Variants in SUN1 observed in about 807,000 individuals in gnomAD.
SUN1 encodes Sad1 and UNC84 domain containing 1.
A neutral mutation model predicts 103.2 loss-of-function variants in SUN1; 61 were observed. That is an observed-to-expected ratio of 0.59 (90% CI 0.48 to 0.73). The LOEUF (loss-of-function observed/expected upper bound fraction) is 0.73. SUN1 is among the 30% of genes least tolerant of loss of function. The pLI is 0.00. For synonymous variants in SUN1, 490 were observed against 425.7 expected, an observed-to-expected ratio of 1.15 and a Z score of -1.86; for missense variants, 1,052 against 1,034.6, an observed-to-expected ratio of 1.02 and a Z score of -0.23.
intron 1 of SUN1, among the ~76,000 whole-genome samples, chr7:822,569 TTATTG>T (rs1787265573): frequency 6.6e-6 from 1 of 152,200 alleles, no homozygotes; most frequent in Non-Finnish European, 1.5e-5. Flanking sequence ...ATTTTTAATA[TTATTG>T]TAAGATGTGA....
In SUN1 at chr7:851,910, A is replaced by G. The variant is rs1822577469; in HGVS notation, c.758-40A>G. ...GTCCATTTAGGAGCTTGGTTTTCCT[A>G]AAAACATTTCCTTAGAATGTTTGGT... On this transcript the variant is annotated intron_variant, in intron 6 of 18. Transcript: ENST00000401592. 1.9e-6 allele frequency: 3 copies of G among 1,602,118 alleles called. No homozygotes were observed. In the East Asian group the frequency reaches 6.7e-5, roughly 36 times the overall value.
At chr7:851,061 A>C in intron 5 of SUN1, 1 of 204,514 alleles carries the variant, frequency 4.9e-6, no homozygotes. Flanking sequence ...TGCTGGCACC[A>C]ATGGCCAATA....
intron 1 of SUN1, among the ~76,000 whole-genome samples, chr7:835,383 A>C: frequency 6.6e-6 from 1 of 152,272 alleles, no homozygotes; most frequent in East Asian, 1.9e-4. Flanking sequence ...ATAATGATAT[A>C]TTTAAAATAA....
intron 13 of SUN1, among the ~76,000 whole-genome samples, chr7:858,787 A>C (rs1829817594): frequency 1.3e-5 from 2 of 152,254 alleles, no homozygotes; most frequent in African/African-American, 4.8e-5. Flanking sequence ...CATTTGCAAT[A>C]CGTGTGGTAA....
At position 866,044 on chromosome 7, in the gene SUN1, C is replaced by G; in HGVS notation, c.1957C>G (p.Gln653Glu). ...TGGGATCCCGCTGTGGTACTTCTCG[C>G]AGTCCCCGCGCGTGGTCATCCAGGT... ...LFGIPLWYFS[Q>E]SPRVVIQPDI... Residue 653 changes from glutamine (Q) to glutamate (E), a missense_variant, in exon 16 of 19, where the codon CAG (glutamine) becomes GAG (glutamate). Physicochemically the swap from Gln to Glu is conservative, Grantham distance 29. Transcript: ENST00000401592. 1 of 1,614,148 alleles carries G rather than the reference C, an allele frequency of 6.2e-7. No homozygotes were observed. The highest frequency in any genetic ancestry group is 8.5e-7 in the Non-Finnish European group (1 of 1,179,996).
intron 1 of SUN1, among the ~76,000 whole-genome samples, chr7:827,059 G>A (rs13229699): frequency 0.4 from 60,157 of 152,004 alleles, 12,145 homozygotes; most frequent in East Asian, 0.5. Context: ...GTCTCGCTCT[G>A]TCACCCAGGC....
At position 860,528 on chromosome 7, in the gene SUN1, G is replaced by C. The variant is rs7785888; in HGVS notation, c.1779+146G>C. On this transcript the variant is annotated intron_variant, in intron 14 of 18. Coordinates refer to ENST00000401592, the MANE Select transcript of SUN1 (RefSeq NM_001130965.3). ...TTAGCTGACGTAAGTGAGATGAGAC[G>C]TGCCTGGGCAGTGCCGTGTGTGGAG... 4 of 1,370,222 alleles carry C rather than the reference G, an allele frequency of 2.9e-6. No homozygotes were observed. The African/African-American group carries it at 5.8e-5, about 20-fold the overall frequency. 84.9% of individuals were successfully genotyped at this position (1,370,222 alleles called of 1,614,324 possible).
At chr7:823,194 C>G (rs573822941) in intron 1 of SUN1, among the ~76,000 whole-genome samples, 1 of 152,154 alleles carries the variant, frequency 6.6e-6, no homozygotes, top group African/African-American at 2.4e-5. Context: ...GGATTAGAGC[C>G]GAAGGTGAAT....
chr7:849,019 T>G (rs1268876452), intron 5 of SUN1, among the ~76,000 whole-genome samples: 2 of 151,976 alleles, frequency 1.3e-5, no homozygotes, highest in East Asian at 1.9e-4. Context: ...TGGTGTGATC[T>G]CGGCTCACCG....
upstream of SUN1, chr7:832,042 C>A: frequency 1.0e-6 from 1 of 987,856 alleles, no homozygotes; most frequent in Non-Finnish European, 1.2e-6. Context: ...TTCTGAGATG[C>A]TTGTGAGAGC....
At chr7:835,318 T>G (rs1802022323) in intron 1 of SUN1, among the ~76,000 whole-genome samples, 1 of 152,218 alleles carries the variant, frequency 6.6e-6, no homozygotes. Context: ...CCCGAACACT[T>G]ACTCTCAACT....
rs751680664 is a variant in SUN1 at position 860,169 on chromosome 7, C to T, written c.1566C>T (p.Ser522=). 1.2e-5 allele frequency: 19 copies of T among 1,614,050 alleles called. No homozygotes were observed. The highest frequency in any genetic ancestry group is 2.7e-5 in the African/African-American group (2 of 74,924). Reference sequence around the variant, plus strand: ...GAGAAATGGTGAAACTCCTGTTTTCCGAAGATCAGCAAGGCGGTTCTCTGG... The same window carrying T: ...GAGAAATGGTGAAACTCCTGTTTTCTGAAGATCAGCAAGGCGGTTCTCTGG... ...QVREMVKLLF[S]EDQQGGSLEQ... is the part of the protein sequence containing the mutation. The change falls in exon 14 of 19, where the codon TCC becomes TCT. Residue 522 remains serine (S), a synonymous_variant. Transcript: ENST00000401592.
intron 5 of SUN1, among the ~76,000 whole-genome samples, chr7:844,117 C>T (rs1486816674): frequency 4.6e-5 from 7 of 152,256 alleles, no homozygotes; most frequent in Non-Finnish European, 5.9e-5. Flanking sequence ...TGGGTGTCAC[C>T]GCGGGGGGCC....
At chr7:868,185 G>A (rs1838586923) in intron 16 of SUN1, among the ~76,000 whole-genome samples, 1 of 152,212 alleles carries the variant, frequency 6.6e-6, no homozygotes, top group Non-Finnish European at 1.5e-5. Flanking sequence ...CACACTGAAG[G>A]CAGGCTGCGT....
In SUN1 at chr7:843,652, A is replaced by AC. The variant is rs1435594028; in HGVS notation, c.658+136dup. On this transcript the variant is annotated intron_variant, in intron 5 of 18. Coordinates refer to ENST00000401592, the MANE Select transcript of SUN1 (RefSeq NM_001130965.3). Reference sequence around the variant, plus strand: ...TATCCCTTGAAAGCATAAGAAGTACACCCCAAACCAGCTTTGTCCTTCCTG... The same window carrying AC: ...TATCCCTTGAAAGCATAAGAAGTACACCCCCAAACCAGCTTTGTCCTTCCTG... 5 of 1,542,462 alleles carry AC rather than the reference A, an allele frequency of 3.2e-6. No individual in the cohort carries two copies. The Admixed American group carries it at 1.0e-4, about 32-fold the overall frequency.
rs1288518178 is a variant in SUN1, at chr7:873,504, T to A, written c.*173T>A. 3.1e-6 allele frequency: 2 copies of A among 646,416 alleles called. No homozygotes were observed. The highest frequency in any genetic ancestry group is 5.3e-6 in the Non-Finnish European group (2 of 376,040). 40.0% of individuals were successfully genotyped at this position (646,416 alleles called of 1,614,324 possible). Reference sequence around the variant, plus strand: ...GTGACGGGCGCCTTGGCGCCACCTGTTGGGTGCTCACTGCCTCTGCAGGTG... The same window carrying A: ...GTGACGGGCGCCTTGGCGCCACCTGATGGGTGCTCACTGCCTCTGCAGGTG... On this transcript the variant is annotated 3_prime_UTR_variant, in exon 19 of 19. Transcript: ENST00000401592.
intron 1 of SUN1, among the ~76,000 whole-genome samples, chr7:826,716 G>A (rs1313200697): frequency 1.3e-5 from 2 of 152,204 alleles, no homozygotes; most frequent in Non-Finnish European, 2.9e-5. Context: ...TGATGGGAAC[G>A]CTGCGTCTCA....
At chr7:845,606 T>A (rs1017850043) in intron 5 of SUN1, among the ~76,000 whole-genome samples, 8 of 152,244 alleles carry the variant, frequency 5.3e-5, no homozygotes, top group African/African-American at 1.9e-4. Context: ...ATGAATTGTT[T>A]GCATAATCAT....
chr7:832,686 A>G (rs780732748), intron 1 of SUN1, 85 bp downstream of exon 1: 1 of 999,266 alleles, frequency 1.0e-6, no homozygotes, highest in South Asian at 1.4e-5. Flanking sequence ...GGAACTCCAT[A>G]GTACTACCGA....
Sources: allele counts gnomAD v4.1 joint callset (sites outside exome capture counted in the v4.1 genomes callset), GRCh38; gene constraint gnomAD v4.1.1; transcripts MANE v1.5; gene names NCBI Gene and HGNC (gene_info 2026-07-23, HGNC 2026-07-21).